Variants in YJU2B observed in about 807,000 individuals in gnomAD.
YJU2B encodes probable splicing factor YJU2B.
In YJU2B, 18 loss-of-function variants were observed where a neutral mutation model predicts 38.0. That is an observed-to-expected ratio of 0.47 (90% CI 0.33 to 0.70). The LOEUF is 0.70. Ranked by LOEUF, YJU2B falls within the 30% of genes least tolerant of loss-of-function variation. YJU2B has a pLI of 0.02. For missense variants in YJU2B, 538 were observed against 556.3 expected (o/e 0.97, Z 0.33); for synonymous variants, 246 against 225.4 (o/e 1.09, Z -0.82).
At chr19:13,745,692 T>TAGATAGATAGATAGATAG (rs57681294), upstream of YJU2B, among the ~76,000 whole-genome samples, 1 of 93,306 alleles carries the variant, frequency 1.1e-5, no homozygotes, top group African/African-American at 3.9e-5. Flanking sequence ...GATAGATAGA[T>TAGATAGATAGATAGATAG]ATAGATATAT....
chr19:13,750,658 C>T (rs1218184121), intron 1 of YJU2B, among the ~76,000 whole-genome samples: 1 of 151,696 alleles, frequency 6.6e-6, no homozygotes, highest in South Asian at 2.1e-4. Context: ...CCAGGAGTTC[C>T]AGACTGGCCT....
intron 2 of YJU2B, among the ~76,000 whole-genome samples, chr19:13,753,762 C>T (rs1973560255): frequency 6.6e-6 from 1 of 152,078 alleles, no homozygotes; most frequent in Admixed American, 6.6e-5. Context: ...GGAAAAGCTC[C>T]TTGTAAAACC....
intron 4 of YJU2B, 57 bp downstream of exon 4, chr19:13,756,336 A>G (rs1341362018): frequency 9.2e-6 from 13 of 1,408,942 alleles, no homozygotes; most frequent in African/African-American, 1.4e-5. Flanking sequence ...TTCAGTCTCA[A>G]GGAGAGTTCA....
chr19:13,749,640 T>TG, intron 1 of YJU2B, among the ~76,000 whole-genome samples: 1 of 150,266 alleles, frequency 6.7e-6, no homozygotes, highest in East Asian at 1.9e-4. Context: ...TTCTTTTTTT[T>TG]TTTTTTTTTT....
At chr19:13,759,303 G>C (rs1422273618) in intron 8 of YJU2B, 31 bp downstream of exon 8, 2 of 1,566,660 alleles carry the variant, frequency 1.3e-6, no homozygotes, top group South Asian at 2.3e-5. Flanking sequence ...GGGTCAGAGA[G>C]GATGCATGGT....
At chr19:13,733,503 C>T (rs145038762) in intron 2 of YJU2B, among the ~76,000 whole-genome samples, 190 of 152,150 alleles carry the variant, frequency 1.2e-3, no homozygotes, top group Admixed American at 2.6e-3. Context: ...GGGTAGATCA[C>T]CTGAGGTCAG....
chr19:13,760,885 C>T (rs1009767041), intron 8 of YJU2B, among the ~76,000 whole-genome samples: 3 of 152,146 alleles, frequency 2.0e-5, no homozygotes, highest in African/African-American at 7.2e-5. Context: ...TCTCCTGCCT[C>T]AGCCTCCCAA....
chr19:13,755,230 A>C (rs1973618878), intron 3 of YJU2B, among the ~76,000 whole-genome samples: 1 of 151,832 alleles, frequency 6.6e-6, no homozygotes, highest in African/African-American at 2.4e-5. Context: ...TGGGAGGCCA[A>C]GGCAGGTGGA....
chr19:13,751,486 C>T (rs773883661), intron 1 of YJU2B, 122 bp from the exon 2 acceptor site: 14 of 342,746 alleles, frequency 4.1e-5, no homozygotes, highest in African/African-American at 8.4e-5. Flanking sequence ...GAGAGAAGAC[C>T]GTGCTGGCCC....
Position 13,757,817 on chromosome 19 carries a change from G to A in YJU2B, c.228G>A (p.Val76=). 4.3e-6 allele frequency: 7 copies of A among 1,613,990 alleles called. No individual in the cohort carries two copies. The highest frequency in any genetic ancestry group is 1.1e-5 in the South Asian group (1 of 91,076). The change falls in exon 6 of 10, where the codon GTG becomes GTA. Residue 76 remains valine (V), a synonymous_variant. Transcript: ENST00000221554. ...GVRYNAEKKK[V]GNYYTTPIYR... ...GTTACAATGCAGAAAAGAAGAAGGT[G>A]GGCAATTACTACACAACCCCGATCT...
At chr19:13,748,312 G>A (rs1462252487) in intron 1 of YJU2B, among the ~76,000 whole-genome samples, 1 of 152,094 alleles carries the variant, frequency 6.6e-6, no homozygotes, top group Non-Finnish European at 1.5e-5. Context: ...ACTGCCAAAC[G>A]TTTAACTCGG....
intron 8 of YJU2B, 71 bp downstream of exon 8, chr19:13,759,343 C>A (rs533264818): frequency 4.0e-6 from 5 of 1,258,346 alleles, no homozygotes; most frequent in South Asian, 1.5e-5. Flanking sequence ...GCCCTCCCCC[C>A]ACCACATCCT....
In YJU2B at chr19:13,759,025, C is replaced by G; in HGVS notation, c.400+15C>G. 1 of 1,612,302 alleles carries G rather than the reference C, an allele frequency of 6.2e-7. No homozygotes were observed. Among genetic ancestry groups the G allele is most frequent in the South Asian group, 1.1e-5 (1 of 91,018 alleles). On this transcript the variant is annotated intron_variant, in intron 7 of 9. Transcript: ENST00000221554. Reference sequence around the variant, plus strand: ...GCTGACCACAGGTGAGCGCCACCCACTTACCTGCCTGGGGGCCCTGGCCCT... The same window carrying G: ...GCTGACCACAGGTGAGCGCCACCCAGTTACCTGCCTGGGGGCCCTGGCCCT...
intron 2 of YJU2B, among the ~76,000 whole-genome samples, chr19:13,753,678 G>A (rs936720043): frequency 7.9e-5 from 12 of 151,962 alleles, no homozygotes; most frequent in African/African-American, 2.9e-4. Flanking sequence ...GAGGCCTCAG[G>A]AAACTTAACA....
upstream of YJU2B, among the ~76,000 whole-genome samples, chr19:13,746,994 G>A (rs1439126477): frequency 6.6e-6 from 1 of 151,878 alleles, no homozygotes; most frequent in Non-Finnish European, 1.5e-5. Flanking sequence ...GGTAAGGGGA[G>A]AAATTGTATG....
chr19:13,737,418 AGTTCCTGCTCTT>A (rs1972979039), intron 2 of YJU2B, among the ~76,000 whole-genome samples: 1 of 151,696 alleles, frequency 6.6e-6, no homozygotes. Context: ...CAATTCTTCA[AGTTCCTGCTCTT>A]CCTGGGTAGT....
chr19:13,751,846 TC>T, intron 2 of YJU2B, 35 bp downstream of exon 2: 1 of 1,612,038 alleles, frequency 6.2e-7, no homozygotes, highest in Non-Finnish European at 8.5e-7. Context: ...TGGGTTTCTC[TC>T]CCAGTCTTTG....
intron 2 of YJU2B, among the ~76,000 whole-genome samples, chr19:13,738,346 CTG>C (rs1415240841): frequency 1.3e-5 from 2 of 152,168 alleles, no homozygotes; most frequent in Admixed American, 6.6e-5. Context: ...TAGATTGTCA[CTG>C]TTATGGATTG....
In YJU2B at chr19:13,741,024, T is replaced by C. The variant is rs574901550; in HGVS notation, c.-202+8739T>C. Reference sequence around the variant, plus strand: ...ATAAATGTTTTAGGCCTCTATACTTTGGGGTAATTTGTTACGCAACCAGAG... The same window carrying C: ...ATAAATGTTTTAGGCCTCTATACTTCGGGGTAATTTGTTACGCAACCAGAG... On this transcript the variant is annotated intron_variant, in intron 2 of 10. Coordinates refer to the YJU2B transcript ENST00000586600. 6.6e-5 allele frequency among the ~76,000 whole-genome samples: 10 copies of C among 152,304 alleles called. No homozygotes were observed. In the South Asian group the frequency reaches 2.1e-3, roughly 32 times the overall value.
Sources: gnomAD v4.1 joint callset for allele counts (sites outside exome capture counted in the v4.1 genomes callset) on GRCh38, gnomAD v4.1.1 for gene constraint, MANE v1.5 for transcripts, NCBI Gene and HGNC (gene_info 2026-07-23, HGNC 2026-07-21) for gene names.